FOXP1: variants seen among roughly 807,000 people sequenced by gnomAD.
FOXP1 encodes forkhead box P1, also known as forkhead box protein P1.
A neutral mutation model predicts 98.2 loss-of-function variants in FOXP1; 15 were observed. The observed-to-expected ratio is 0.15, with a 90% CI of 0.10 to 0.24. FOXP1 has a LOEUF of 0.24. FOXP1 is among the 10% of genes least tolerant of loss of function. The pLI is 1.00. For synonymous variants in FOXP1, 371 were observed against 314.5 expected (o/e 1.18, Z -1.90); for missense variants, 633 against 848.5 (o/e 0.75, Z 3.15).
At chr3:71,347,522 G>A (rs367687330) in intron 4 of FOXP1, among the ~76,000 whole-genome samples, 1 of 152,182 alleles carries the variant, frequency 6.6e-6, no homozygotes, top group East Asian at 1.9e-4. Flanking sequence ...GAAGAACTAA[G>A]GTTTACTATT....
chr3:71,174,254 C>A (rs1489434583), intron 6 of FOXP1, among the ~76,000 whole-genome samples: 2 of 152,036 alleles, frequency 1.3e-5, no homozygotes, highest in Non-Finnish European at 2.9e-5. Context: ...GGGGAAAAAC[C>A]CACTTCCCAA....
chr3:71,510,584 C>A (rs774446996), intron 2 of FOXP1, among the ~76,000 whole-genome samples: 1 of 152,188 alleles, frequency 6.6e-6, no homozygotes, highest in Non-Finnish European at 1.5e-5. Context: ...GGAAAGGCTT[C>A]CCCCTAGACA....
chr3:71,439,795 A>G (rs11128216), intron 3 of FOXP1, among the ~76,000 whole-genome samples: 92,014 of 151,826 alleles, frequency 0.61, 30,289 homozygotes, highest in Non-Finnish European at 0.75. Context: ...AATACAAAAA[A>G]ATTAGCTGAG....
chr3:71,168,950 G>A (rs969107168), intron 6 of FOXP1, among the ~76,000 whole-genome samples: 1 of 152,186 alleles, frequency 6.6e-6, no homozygotes, highest in East Asian at 1.9e-4. Context: ...CAGAGAAATA[G>A]AGAAGAGTTT....
intron 4 of FOXP1, among the ~76,000 whole-genome samples, chr3:71,307,961 A>G (rs1422562046): frequency 6.6e-6 from 1 of 152,230 alleles, no homozygotes; most frequent in Non-Finnish European, 1.5e-5. Context: ...GGATCCATGC[A>G]TTGCGGCCCA....
intron 5 of FOXP1, among the ~76,000 whole-genome samples, chr3:71,278,861 G>C (rs2071201926): frequency 6.6e-6 from 1 of 151,836 alleles, no homozygotes. Context: ...GAATCTCTTA[G>C]AGGCCTTTAA....
At chr3:71,219,244 T>A (rs930763027) in intron 5 of FOXP1, among the ~76,000 whole-genome samples, 2 of 152,210 alleles carry the variant, frequency 1.3e-5, no homozygotes, top group Non-Finnish European at 2.9e-5. Context: ...AGTCTGGCCA[T>A]GCCATAGCCC....
intron 13 of FOXP1, among the ~76,000 whole-genome samples, chr3:70,991,290 G>T (rs1347240429): frequency 1.3e-5 from 2 of 152,004 alleles, no homozygotes; most frequent in Non-Finnish European, 2.9e-5. Flanking sequence ...CTCATCTTGG[G>T]CAAATATTTT....
chr3:71,338,761 G>A (rs1403403926), intron 4 of FOXP1, among the ~76,000 whole-genome samples: 2 of 151,820 alleles, frequency 1.3e-5, no homozygotes, highest in Non-Finnish European at 2.9e-5. Flanking sequence ...AAAACATAAT[G>A]AGAAAAAAAA....
At chr3:71,458,983 T>C (rs185179343) in intron 3 of FOXP1, among the ~76,000 whole-genome samples, 2 of 152,354 alleles carry the variant, frequency 1.3e-5, no homozygotes, top group Admixed American at 1.3e-4. Flanking sequence ...AAGGATATGA[T>C]AGCTGAATAA....
At chr3:71,297,980 C>T in intron 5 of FOXP1, among the ~76,000 whole-genome samples, 1 of 152,150 alleles carries the variant, frequency 6.6e-6, no homozygotes, top group East Asian at 1.9e-4. Flanking sequence ...TGTGGCACCA[C>T]TTTGCATGAG....
At chr3:71,338,049 G>C (rs1376523267) in intron 4 of FOXP1, among the ~76,000 whole-genome samples, 1 of 152,222 alleles carries the variant, frequency 6.6e-6, no homozygotes, top group African/African-American at 2.4e-5. Flanking sequence ...TTCCTCTGAA[G>C]AGATTCGAAA....
At chr3:71,083,514 T>C (rs542157376) in intron 7 of FOXP1, among the ~76,000 whole-genome samples, 1 of 152,310 alleles carries the variant, frequency 6.6e-6, no homozygotes, top group African/African-American at 2.4e-5. Context: ...GACTGGTTCA[T>C]GTATAGATAA....
intron 10 of FOXP1, among the ~76,000 whole-genome samples, chr3:71,043,420 C>T (rs773833024): frequency 2.6e-5 from 4 of 152,134 alleles, no homozygotes. Flanking sequence ...TGCATCTGAA[C>T]TATTATTTTC....
intron 4 of FOXP1, among the ~76,000 whole-genome samples, chr3:71,354,637 C>T (rs1366449340): frequency 1.3e-5 from 2 of 152,298 alleles, no homozygotes; most frequent in Middle Eastern, 3.4e-3. Context: ...CAAATATAAT[C>T]GGGAATCAAG....
At chr3:71,221,430 G>C (rs2065371266) in intron 5 of FOXP1, among the ~76,000 whole-genome samples, 1 of 152,186 alleles carries the variant, frequency 6.6e-6, no homozygotes, top group African/African-American at 2.4e-5. Flanking sequence ...AAGTGGCTTA[G>C]AGAAGTGGAG....
chr3:71,190,095 A>ACAC (rs1181395065), intron 6 of FOXP1, among the ~76,000 whole-genome samples: 2 of 152,152 alleles, frequency 1.3e-5, no homozygotes, highest in African/African-American at 4.8e-5. Context: ...TACTTTTAAT[A>ACAC]CACCACCTCT....
chr3:71,365,059 G>T (rs2078825368), intron 3 of FOXP1, among the ~76,000 whole-genome samples: 1 of 152,204 alleles, frequency 6.6e-6, no homozygotes, highest in Non-Finnish European at 1.5e-5. Flanking sequence ...AGTGGGTGTT[G>T]TTGTGTTCTA....
At chr3:71,337,189 A>G (rs1328572891) in intron 4 of FOXP1, among the ~76,000 whole-genome samples, 1 of 152,216 alleles carries the variant, frequency 6.6e-6, no homozygotes, top group Non-Finnish European at 1.5e-5. Flanking sequence ...ACACAGGAGA[A>G]ACTTCAAGGT....
Sources: allele counts gnomAD v4.1 joint callset (sites outside exome capture counted in the v4.1 genomes callset), GRCh38; gene constraint gnomAD v4.1.1; transcripts MANE v1.5; gene names NCBI Gene and HGNC (gene_info 2026-07-23, HGNC 2026-07-21).